Variants in CMIP observed in about 807,000 individuals in gnomAD.
CMIP encodes the protein C-Maf-inducing protein.
CMIP carries 13 observed loss-of-function variants against 97.3 expected under a neutral mutation model. That is an observed-to-expected ratio of 0.13 (90% CI 0.09 to 0.21). The LOEUF is 0.21. Among genes scored for constraint, CMIP ranks in the 10% least tolerant of loss-of-function variants. The pLI, the probability that CMIP is intolerant of heterozygous loss-of-function variation, is 1.00. For missense variants in CMIP, 847 were observed against 1,024.9 expected, an observed-to-expected ratio of 0.83 and a Z score of 2.37; for synonymous variants, 538 against 436.3, an observed-to-expected ratio of 1.23 and a Z score of -2.91.
intron 1 of CMIP, among the ~76,000 whole-genome samples, chr16:81,534,139 G>A (rs1409448508): frequency 6.6e-6 from 1 of 152,202 alleles, no homozygotes; most frequent in Non-Finnish European, 1.5e-5. Flanking sequence ...TGGCCAGGCT[G>A]CGTTTCAAAG....
intron 1 of CMIP, among the ~76,000 whole-genome samples, chr16:81,554,248 T>G (rs570935228): frequency 1.5e-4 from 23 of 152,340 alleles, no homozygotes; most frequent in African/African-American, 5.5e-4. Flanking sequence ...ATGCCAGATG[T>G]GCAATTAGCA....
chr16:81,452,956 G>A (rs1426326608), intron 1 of CMIP, among the ~76,000 whole-genome samples: 1 of 141,922 alleles, frequency 7.0e-6, no homozygotes, highest in Non-Finnish European at 1.5e-5. Flanking sequence ...TGGTAGCAGT[G>A]CCTTAAGAGA....
rs925011459 is a variant in CMIP at position 81,652,409 on chromosome 16, T to A, written c.639+45T>A. The A allele has an allele frequency of 3.3e-6, 5 of 1,527,198 alleles. No homozygotes were observed. The highest frequency in any genetic ancestry group is 4.5e-6 in the Non-Finnish European group (5 of 1,114,820). The allele number at this position is 1,527,198 out of a possible 1,614,324, so 94.6% of individuals were successfully genotyped here. A position where few individuals can be genotyped will look rare whatever the true frequency, so the allele number is the denominator to read the frequency against. On this transcript the variant is annotated intron_variant, in intron 4 of 20. Transcript: ENST00000537098. This position sits in a 1 kb window ranked among gnomAD's most constrained non-coding sequence, Gnocchi z 5.2. Reference sequence around the variant, plus strand: ...CCCCTTTACATTGTTTGCCTTTCCCTCCACCGATCACCGGCTCCATGCCAA... The same window carrying A: ...CCCCTTTACATTGTTTGCCTTTCCCACCACCGATCACCGGCTCCATGCCAA...
In CMIP at chr16:81,704,055, G is replaced by A. The variant is rs370761826; in HGVS notation, c.2061G>A (p.Ser687=). 3.1e-5 allele frequency: 49 copies of A among 1,604,662 alleles called. No individual in the cohort carries two copies. The highest frequency in any genetic ancestry group is 2.5e-4 in the African/African-American group (19 of 74,512). ...ACAEHLIKLP[S]LKQLNLWSTQ... is the part of the protein sequence containing the mutation. ...CCGAGCACCTCATCAAACTGCCTTC[G>A]CTCAAGCAGCTGAACCTGTGGTCCA... Residue 687 remains serine (S), a synonymous_variant, in exon 18 of 21, where the codon TCG becomes TCA. Transcript: ENST00000537098.
intron 1 of CMIP, among the ~76,000 whole-genome samples, chr16:81,536,846 A>G (rs1013631845): frequency 6.6e-6 from 1 of 152,096 alleles, no homozygotes; most frequent in Non-Finnish European, 1.5e-5. Context: ...AATTTTTGCC[A>G]ACTCAGCACG....
intron 1 of CMIP, among the ~76,000 whole-genome samples, chr16:81,507,088 TA>T (rs887547646): frequency 2.0e-5 from 3 of 151,286 alleles, no homozygotes; most frequent in South Asian, 4.2e-4. Flanking sequence ...TCATCTGTAC[TA>T]AAAAAAATAC....
chr16:81,634,231 A>T (rs1046002405), intron 3 of CMIP, among the ~76,000 whole-genome samples: 12 of 152,304 alleles, frequency 7.9e-5, no homozygotes, highest in Middle Eastern at 3.4e-3. Context: ...AACAATAAAC[A>T]TCTATTGAGT....
At chr16:81,553,224 G>A (rs2090693986) in intron 1 of CMIP, among the ~76,000 whole-genome samples, 6 of 152,068 alleles carry the variant, frequency 3.9e-5, no homozygotes, top group Admixed American at 3.9e-4. Flanking sequence ...CCCCATTCCC[G>A]CCCACTGCTT....
At chr16:81,598,783 A>G (rs1266095091) in intron 1 of CMIP, among the ~76,000 whole-genome samples, 2 of 152,194 alleles carry the variant, frequency 1.3e-5, no homozygotes, top group East Asian at 1.9e-4. Flanking sequence ...CCTGGCCAAC[A>G]TGGTGAAACC....
intron 14 of CMIP, chr16:81,697,409 T>C (rs1906859887): frequency 6.6e-6 from 1 of 152,282 alleles, no homozygotes; most frequent in South Asian, 2.1e-4. Context: ...GGGCAGATGC[T>C]GCACCCTAGT....
At chr16:81,677,304 C>G (rs1904371802) in intron 9 of CMIP, among the ~76,000 whole-genome samples, 1 of 152,196 alleles carries the variant, frequency 6.6e-6, no homozygotes, top group Admixed American at 6.5e-5. Context: ...TCCGTCGACT[C>G]ATGGGCTGTT....
intron 1 of CMIP, among the ~76,000 whole-genome samples, chr16:81,529,226 T>G (rs528502915): frequency 6.6e-6 from 1 of 152,336 alleles, no homozygotes; most frequent in Admixed American, 6.5e-5. Context: ...GTCACAATGC[T>G]ATTGCTGCAT....
At chr16:81,574,831 G>A (rs1043557630) in intron 1 of CMIP, among the ~76,000 whole-genome samples, 2 of 152,208 alleles carry the variant, frequency 1.3e-5, no homozygotes, top group Non-Finnish European at 2.9e-5. Flanking sequence ...GACTGTCAGA[G>A]CAGACCACAC....
In CMIP at chr16:81,523,681, C is replaced by A. The variant is rs763625206; in HGVS notation, c.300+78140C>A. The stretch of plus-strand genomic sequence containing the variant: ...GCCTAGAACGAAGTCTGGAAAAGAA[C>A]CAAGAGGACAGCATCTTTTGTCTGG... On this transcript the variant is annotated intron_variant, in intron 1 of 20. Coordinates refer to ENST00000537098, the MANE Select transcript of CMIP (RefSeq NM_198390.3). Among the ~76,000 whole-genome samples, 6 of 152,326 alleles carry A rather than the reference C, an allele frequency of 3.9e-5. No homozygotes were observed. In the South Asian group the frequency reaches 8.3e-4, roughly 21 times the overall value.
At chr16:81,644,253 G>A (rs187583909) in intron 3 of CMIP, among the ~76,000 whole-genome samples, 1 of 152,300 alleles carries the variant, frequency 6.6e-6, no homozygotes, top group Admixed American at 6.5e-5. Flanking sequence ...TATTTCACTG[G>A]AAATGTGCAC....
chr16:81,539,040 C>A (rs940022308), intron 1 of CMIP, among the ~76,000 whole-genome samples: 4 of 152,014 alleles, frequency 2.6e-5, no homozygotes, highest in Non-Finnish European at 4.4e-5. Flanking sequence ...TAGATAGTGC[C>A]GAGGAAGAGC....
intron 2 of CMIP, among the ~76,000 whole-genome samples, chr16:81,608,690 T>G (rs2091783146): frequency 6.7e-6 from 1 of 149,406 alleles, no homozygotes; most frequent in Non-Finnish European, 1.5e-5. Context: ...GAGAAGTGAC[T>G]GACAAAAACC....
At position 81,704,097 on chromosome 16, in the gene CMIP, C is replaced by A. The variant is rs371314406; in HGVS notation, c.2091+12C>A. 3.3e-5 allele frequency: 52 copies of A among 1,598,438 alleles called. 1 individual carries two copies. Among genetic ancestry groups the A allele is most frequent in the Non-Finnish European group, 4.0e-5 (47 of 1,174,466 alleles). ...TGTGGTCCACTCAGGTACGTCCTCC[C>A]GCCCTGCTGCAGTCCCCCACACCCT... On this transcript the variant is annotated intron_variant, in intron 18 of 20. Transcript: ENST00000537098.
intron 13 of CMIP, chr16:81,696,277 C>T (rs1390044929): frequency 7.7e-6 from 4 of 517,630 alleles, no homozygotes; most frequent in African/African-American, 2.0e-5. Flanking sequence ...AGCCACAGGC[C>T]CGCTTCATTC....
Sources: gnomAD v4.1 joint callset for allele counts (sites outside exome capture counted in the v4.1 genomes callset) on GRCh38, gnomAD v4.1.1 for gene constraint, Gnocchi (gnomAD v3.1) non-coding constraint, MANE v1.5 for transcripts, NCBI Gene and HGNC (gene_info 2026-07-23, HGNC 2026-07-21) for gene names.